DISC1: variants seen among roughly 807,000 people sequenced by gnomAD.
DISC1 encodes DISC1 scaffold protein.
DISC1 carries 57 observed loss-of-function variants against 84.5 expected under a neutral mutation model. The ratio of observed to expected loss-of-function variants is 0.67; its 90% confidence interval spans 0.55 to 0.84. The LOEUF (loss-of-function observed/expected upper bound fraction) is 0.84. Ranked by LOEUF, DISC1 falls within the 40% of genes least tolerant of loss-of-function variation. The pLI is 0.00. For missense variants in DISC1, 1,000 were observed against 1,057.8 expected (o/e 0.95, Z 0.76); for synonymous variants, 411 against 415.2 (o/e 0.99, Z 0.12).
At chr1:231,736,406 G>C (rs2072502224) in intron 3 of DISC1, among the ~76,000 whole-genome samples, 1 of 152,192 alleles carries the variant, frequency 6.6e-6, no homozygotes, top group African/African-American at 2.4e-5. Context: ...GTGAGGCCTT[G>C]GGTAAATTAC....
chr1:231,665,970 C>T (rs2061981723), intron 1 of DISC1, among the ~76,000 whole-genome samples: 1 of 152,188 alleles, frequency 6.6e-6, no homozygotes, highest in Non-Finnish European at 1.5e-5. Context: ...AGGGCTCTCA[C>T]TTCCACTTAA....
intron 1 of DISC1, among the ~76,000 whole-genome samples, chr1:231,637,807 GTCCAGGTATTT>G (rs753769743): frequency 5.9e-5 from 9 of 152,160 alleles, no homozygotes; most frequent in Non-Finnish European, 1.3e-4. Context: ...AAACATGTGA[GTCCAGGTATTT>G]TTCTGATACA....
At chr1:232,027,672 TC>T (rs1669606783) in intron 12 of DISC1, among the ~76,000 whole-genome samples, 1 of 152,230 alleles carries the variant, frequency 6.6e-6, no homozygotes, top group Non-Finnish European at 1.5e-5. Context: ...TATTCATTCA[TC>T]TTTCTATTCA....
chr1:231,794,543 A>G (rs2078608140), intron 6 of DISC1, among the ~76,000 whole-genome samples: 1 of 152,206 alleles, frequency 6.6e-6, no homozygotes, highest in Admixed American at 6.5e-5. Context: ...GCATTGATTC[A>G]TTCATTCTAC....
chr1:231,715,852 T>C (rs751085640), intron 3 of DISC1, among the ~76,000 whole-genome samples: 2 of 152,204 alleles, frequency 1.3e-5, no homozygotes, highest in Non-Finnish European at 2.9e-5. Context: ...AGCCGTGAAA[T>C]GTTTAGTAAC....
chr1:231,724,540 A>C (rs986490375), intron 3 of DISC1, among the ~76,000 whole-genome samples: 1 of 152,186 alleles, frequency 6.6e-6, no homozygotes, highest in Non-Finnish European at 1.5e-5. Context: ...GAGGGGAGGT[A>C]AAGAGTTGTC....
intron 9 of DISC1, among the ~76,000 whole-genome samples, chr1:231,889,775 T>TTC (rs146471841): frequency 2.9e-4 from 43 of 149,760 alleles, no homozygotes; most frequent in Middle Eastern, 3.4e-3. Flanking sequence ...ACTGCCCTTA[T>TTC]TCTCTCTCTC....
In DISC1 at chr1:231,800,199, A is replaced by G. The variant is rs1303278344; in HGVS notation, c.1781A>G (p.His594Arg). ...CCAGCCTTGCTTGAAGCCAAAATGC[A>G]TGCCATATCAGGTAACTGGCAGTGT... ...QLPALLEAKM[H>R]AISGNHFWTA... The change falls in exon 8 of 13, where the codon CAT (histidine) becomes CGT (arginine). Residue 594 changes from histidine (H) to arginine (R), a missense_variant. His to Arg is a conservative substitution (Grantham distance 29). Coordinates refer to ENST00000439617, the MANE Select transcript of DISC1 (RefSeq NM_018662.3). 6.2e-7 allele frequency: 1 copy of G among 1,611,802 alleles called. No homozygotes were observed. Among genetic ancestry groups the G allele is most frequent in the Non-Finnish European group, 8.5e-7 (1 of 1,179,386 alleles).
intron 9 of DISC1, among the ~76,000 whole-genome samples, chr1:231,823,002 A>G (rs141174913): frequency 2.0e-4 from 30 of 152,326 alleles, no homozygotes; most frequent in African/African-American, 6.0e-4. Flanking sequence ...TACCTTCAAC[A>G]TTGGGGGTCA....
chr1:231,933,149 A>G (rs1186060592), intron 9 of DISC1, among the ~76,000 whole-genome samples: 1 of 152,176 alleles, frequency 6.6e-6, no homozygotes, highest in Non-Finnish European at 1.5e-5. Flanking sequence ...GAGGGAAGTA[A>G]TAGTATTGTC....
At position 231,765,929 on chromosome 1, in the gene DISC1, C is replaced by A. The variant is rs2076138841; in HGVS notation, c.1269-1211C>A. On this transcript the variant is annotated intron_variant, in intron 4 of 12. Coordinates refer to ENST00000439617, the MANE Select transcript of DISC1 (RefSeq NM_018662.3). Reference sequence around the variant, plus strand: ...TTGGCCCTGTTTGGATAGTCCAAGGCAGTGCTATCCAATAAAATCTAGTGT... The same window carrying A: ...TTGGCCCTGTTTGGATAGTCCAAGGAAGTGCTATCCAATAAAATCTAGTGT... Among the ~76,000 whole-genome samples, 3 of 152,188 alleles carry A rather than the reference C, an allele frequency of 2.0e-5. No homozygotes were observed. In the South Asian group the frequency reaches 6.2e-4, roughly 32 times the overall value.
chr1:231,790,548 T>A (rs1400766332), intron 6 of DISC1, among the ~76,000 whole-genome samples: 1 of 151,904 alleles, frequency 6.6e-6, no homozygotes, highest in Non-Finnish European at 1.5e-5. Context: ...AGATACAGTC[T>A]CCCTCTGTCG....
intron 9 of DISC1, among the ~76,000 whole-genome samples, chr1:231,931,651 T>TC (rs1239486473): frequency 6.6e-6 from 1 of 151,244 alleles, no homozygotes; most frequent in African/African-American, 2.4e-5. Context: ...TGTGATTTTT[T>TC]TTTTTTTTTG....
chr1:232,027,646 G>A (rs916919480), intron 12 of DISC1, among the ~76,000 whole-genome samples: 1 of 152,184 alleles, frequency 6.6e-6, no homozygotes, highest in African/African-American at 2.4e-5. Context: ...CACTTCTCTA[G>A]CTAAAAACAC....
chr1:231,868,695 TATATATATATATATATA>T (rs2085234310), intron 9 of DISC1, among the ~76,000 whole-genome samples: 5 of 1,946 alleles, frequency 2.6e-3, no homozygotes, highest in African/African-American at 0.02. Context: ...CCATCTCTTA[TATATATATATATATATA>T]TATATATATA....
intron 9 of DISC1, among the ~76,000 whole-genome samples, chr1:231,904,286 G>A (rs950784287): frequency 6.6e-6 from 1 of 152,152 alleles, no homozygotes; most frequent in Non-Finnish European, 1.5e-5. Context: ...ATTCATTGGA[G>A]CTCTTCTCTC....
chr1:231,633,759 C>A (rs2058944110), intron 1 of DISC1, among the ~76,000 whole-genome samples: 1 of 152,126 alleles, frequency 6.6e-6, no homozygotes, highest in South Asian at 2.1e-4. Flanking sequence ...TAATCGCTTT[C>A]ACAGGTTGAA....
chr1:231,935,154 A>G (rs2090903416), intron 9 of DISC1, among the ~76,000 whole-genome samples: 1 of 152,214 alleles, frequency 6.6e-6, no homozygotes, highest in Non-Finnish European at 1.5e-5. Flanking sequence ...GCCAAGCCTC[A>G]GAGGACTGTG....
intron 1 of DISC1, among the ~76,000 whole-genome samples, chr1:231,652,943 C>T (rs558644629): frequency 1.1e-3 from 174 of 152,188 alleles, no homozygotes; most frequent in Non-Finnish European, 2.3e-3. Context: ...CCACACCTGG[C>T]TAATTTTTGT....
Sources: allele counts gnomAD v4.1 joint callset (sites outside exome capture counted in the v4.1 genomes callset), GRCh38; gene constraint gnomAD v4.1.1; transcripts MANE v1.5; gene names NCBI Gene and HGNC (gene_info 2026-07-23, HGNC 2026-07-21).